Variants in GOLPH3 observed in about 807,000 individuals in gnomAD.
GOLPH3 encodes coat protein GPP34.
Under a neutral mutation model 28.5 loss-of-function variants are expected in GOLPH3, and 14 were observed. That is an observed-to-expected ratio of 0.49 (90% confidence interval 0.32 to 0.77). The LOEUF (loss-of-function observed/expected upper bound fraction) is 0.77. Among genes scored for constraint, GOLPH3 ranks in the 30% least tolerant of loss-of-function variants. The pLI is 0.03. For synonymous variants in GOLPH3, 158 were observed against 159.2 expected (o/e 0.99, Z 0.06); for missense variants, 350 against 393.7 (o/e 0.89, Z 0.94).
intron 1 of GOLPH3, among the ~76,000 whole-genome samples, chr5:32,151,228 T>G (rs1746298548): frequency 6.6e-6 from 1 of 151,974 alleles, no homozygotes; most frequent in South Asian, 2.1e-4. Flanking sequence ...CTTTTTTTTT[T>G]TTTTTTAATA....
At chr5:32,162,287 T>TA (rs1405939968) in intron 1 of GOLPH3, among the ~76,000 whole-genome samples, 1 of 149,728 alleles carries the variant, frequency 6.7e-6, no homozygotes, top group Non-Finnish European at 1.5e-5. Flanking sequence ...GGTCAGGAGA[T>TA]AGAGACCATC....
intron 3 of GOLPH3, among the ~76,000 whole-genome samples, chr5:32,134,520 T>TAAAAAA (rs1224752113): frequency 8.9e-6 from 1 of 112,132 alleles, no homozygotes. Context: ...AAAAATAAAA[T>TAAAAAA]AAAAAAAAAA....
chr5:32,126,162 A>G lies in GOLPH3; in HGVS notation c.*50T>C, dbSNP rs1469291307. ...AGAAAACCAGAAGTCAACAGAAGAA[A>G]AACTACTGGTTTACTTGAGAGAAAG... is the stretch of plus-strand genomic sequence containing the variant. On this transcript the variant is annotated 3_prime_UTR_variant, in exon 4 of 4. Coordinates refer to ENST00000265070, the MANE Select transcript of GOLPH3 (RefSeq NM_022130.4). The G allele has an allele frequency of 2.0e-6, 3 of 1,523,868 alleles. No homozygotes were observed. Among genetic ancestry groups the G allele is most frequent in the African/African-American group, 2.8e-5 (2 of 71,910 alleles). 94.4% of individuals were successfully genotyped at this position (1,523,868 alleles called of 1,614,324 possible).
intron 1 of GOLPH3, among the ~76,000 whole-genome samples, chr5:32,158,132 TACAC>T (rs70961610): frequency 0.076 from 2,532 of 33,444 alleles, 208 homozygotes; most frequent in East Asian, 0.14. Flanking sequence ...ATAAATAAAA[TACAC>T]ACACACACAC....
At chr5:32,144,678 C>A (rs1156514628) in intron 1 of GOLPH3, among the ~76,000 whole-genome samples, 4 of 152,154 alleles carry the variant, frequency 2.6e-5, no homozygotes, top group Non-Finnish European at 5.9e-5. Context: ...GCCTAAAATT[C>A]TCAATAATAA....
chr5:32,146,958 G>A (rs916595587), intron 1 of GOLPH3, among the ~76,000 whole-genome samples: 2 of 151,998 alleles, frequency 1.3e-5, no homozygotes, highest in African/African-American at 4.8e-5. Context: ...ACAAATTTGT[G>A]CTGGACCAGA....
intron 1 of GOLPH3, among the ~76,000 whole-genome samples, chr5:32,146,863 G>A (rs2111862444): frequency 6.6e-6 from 1 of 151,788 alleles, no homozygotes; most frequent in South Asian, 2.1e-4. Context: ...TATTATCTTG[G>A]CCCACACATA....
chr5:32,164,032 A>T (rs1160116881), intron 1 of GOLPH3, among the ~76,000 whole-genome samples: 3 of 152,198 alleles, frequency 2.0e-5, no homozygotes, highest in African/African-American at 4.8e-5. Context: ...GTGGAATACA[A>T]AGTTTGCCTA....
chr5:32,139,360 C>CCA (rs58914087), intron 2 of GOLPH3, among the ~76,000 whole-genome samples: 26,785 of 152,052 alleles, frequency 0.18, 5,275 homozygotes, highest in African/African-American at 0.49. Flanking sequence ...ACTTGAGCAT[C>CCA]CAGATTTTGA....
At chr5:32,171,897 C>G (rs909913127) in intron 1 of GOLPH3, among the ~76,000 whole-genome samples, 1 of 151,246 alleles carries the variant, frequency 6.6e-6, no homozygotes, top group African/African-American at 2.4e-5. Context: ...GCAGTGAGCC[C>G]AGATGGCGCC....
In GOLPH3 at chr5:32,128,706, C is replaced by G. The variant is rs2111833667; in HGVS notation, c.473-2070G>C. Among the ~76,000 whole-genome samples, 4 of 151,868 alleles carry G rather than the reference C, an allele frequency of 2.6e-5. No homozygotes were observed. The East Asian group carries it at 7.7e-4, about 29-fold the overall frequency. ...AAAAAATTAAAAACAAGTTGATCCA[C>G]AAGTAACTTAGCTGCCTACCAAGAC... On this transcript the variant is annotated intron_variant, in intron 3 of 3. Coordinates refer to ENST00000265070, the MANE Select transcript of GOLPH3 (RefSeq NM_022130.4).
chr5:32,164,485 C>T (rs1746661630), intron 1 of GOLPH3, among the ~76,000 whole-genome samples: 1 of 152,006 alleles, frequency 6.6e-6, no homozygotes, highest in Non-Finnish European at 1.5e-5. Context: ...GCTCCGCCTC[C>T]CGGGTTCACG....
At chr5:32,158,682 G>C (rs1158675085) in intron 1 of GOLPH3, among the ~76,000 whole-genome samples, 2 of 152,036 alleles carry the variant, frequency 1.3e-5, no homozygotes, top group Non-Finnish European at 2.9e-5. Context: ...TCCTCCAACG[G>C]AGTGCTCTTG....
At chr5:32,135,763 A>T in intron 2 of GOLPH3, 77 bp from the exon 3 acceptor site, 1 of 786,446 alleles carries the variant, frequency 1.3e-6, no homozygotes, top group Non-Finnish European at 2.2e-6. Flanking sequence ...AAAAACAAAC[A>T]ATTATATAAA....
rs1368805334 is a variant in GOLPH3, at chr5:32,126,492, T to C, written c.617A>G (p.Asn206Ser). 1.9e-6 allele frequency: 3 copies of C among 1,614,088 alleles called. No homozygotes were observed. Among genetic ancestry groups the C allele is most frequent in the Non-Finnish European group, 2.5e-6 (3 of 1,180,042 alleles). ...GATGAGGCGCTGCTTAATGTTGTTA[T>C]TGGTGAGGGGATGTGTTGTCATGTC... Reference protein sequence around the residue: ...LFDMTTHPLTNNNIKQRLIKK... With the variant: ...LFDMTTHPLTSNNIKQRLIKK... Residue 206 changes from asparagine to serine, a missense_variant, in exon 4 of 4, where the codon AAT becomes AGT. By Grantham distance (46) the Asn-to-Ser change is conservative. Transcript: ENST00000265070.
At chr5:32,169,712 T>G (rs73065667) in intron 1 of GOLPH3, among the ~76,000 whole-genome samples, 3,599 of 152,294 alleles carry the variant, frequency 0.024, 138 homozygotes, top group African/African-American at 0.081. Flanking sequence ...TACCTGGCAC[T>G]TTTGCTGTCC....
chr5:32,134,501 G>A (rs1745890689), intron 3 of GOLPH3, among the ~76,000 whole-genome samples: 1 of 149,620 alleles, frequency 6.7e-6, no homozygotes. Flanking sequence ...GAGCCACCAT[G>A]CCTGGCCAAA....
chr5:32,152,026 G>C (rs953553997), intron 1 of GOLPH3, among the ~76,000 whole-genome samples: 3 of 152,170 alleles, frequency 2.0e-5, no homozygotes, highest in Non-Finnish European at 4.4e-5. Flanking sequence ...TCTGGAGAGG[G>C]ATAGTGGTGA....
Position 32,143,781 on chromosome 5 carries a change from C to A in GOLPH3, c.325G>T (p.Gly109Ter). 6.2e-7 allele frequency: 1 copy of A among 1,606,762 alleles called. No individual in the cohort carries two copies. Among genetic ancestry groups the A allele is most frequent in the Non-Finnish European group, 8.5e-7 (1 of 1,177,988 alleles). ...GTTAATAGACTTTTACGTCTCATTC[C>A]ACAAGCCTCTAGTTGTAACCTTCCT... ...LRGRLQLEAC[G>*]MRRKSLLTRK... Residue 109 changes from glycine to a stop codon, truncating the protein, a stop_gained, in exon 2 of 4, where the codon GGA (glycine) becomes TGA (stop). Transcript: ENST00000265070. LOFTEE classifies it high-confidence loss of function.
Sources: allele counts gnomAD v4.1 joint callset (sites outside exome capture counted in the v4.1 genomes callset), GRCh38; gene constraint gnomAD v4.1.1; transcripts MANE v1.5; gene names NCBI Gene and HGNC (gene_info 2026-07-23, HGNC 2026-07-21).